The following SCYL2 variants were observed in gnomAD, a reference collection of about 807,000 sequenced individuals.
SCYL2 encodes SCY1-like protein 2.
SCYL2 carries 36 observed loss-of-function variants against 100.4 expected under a neutral mutation model. That is an observed-to-expected ratio of 0.36 (90% confidence interval 0.27 to 0.47). SCYL2 has a LOEUF of 0.47. SCYL2 is among the 20% of genes least tolerant of loss of function. The pLI, the probability that SCYL2 is intolerant of heterozygous loss-of-function variation, is 1.00. For synonymous variants in SCYL2, 330 were observed against 359.2 expected (o/e 0.92, Z 0.92); for missense variants, 902 against 1,083.9 (o/e 0.83, Z 2.36).
In SCYL2 at chr12:100,297,333, GCTGGGAC is replaced by G. The variant is rs559596327; in HGVS notation, c.336-697_336-691del. Among the ~76,000 whole-genome samples the G allele has an allele frequency of 3.7e-3, 557 of 152,298 alleles. 5 individuals are homozygous for G. Among genetic ancestry groups the G allele is most frequent in the South Asian group, 0.026 (123 of 4,816 alleles). ...TGTTACCAAGACAGCACATAGGGAT[GCTGGGAC>G]TTAAAGTCAGGTATCTGTCCTCAAA... On this transcript the variant is annotated intron_variant, in intron 3 of 17. Transcript: ENST00000360820.
At chr12:100,270,374 G>C (rs993061003) in intron 1 of SCYL2, among the ~76,000 whole-genome samples, 1 of 151,988 alleles carries the variant, frequency 6.6e-6, no homozygotes, top group African/African-American at 2.4e-5. Flanking sequence ...GTTATTCCTT[G>C]TCCCTCTTCT....
rs1952347165 is a variant in SCYL2, at chr12:100,341,069, C to CT, written c.*1898dup. The stretch of plus-strand genomic sequence containing the variant: ...AATATAACAGCTTATAGAACTTGAA[C>CT]TACTAAATATGAAAATAAGTCATTT... On this transcript the variant is annotated 3_prime_UTR_variant, in exon 18 of 18. Transcript: ENST00000360820. 1 of 151,952 alleles carries CT rather than the reference C, an allele frequency of 6.6e-6. No homozygotes were observed. The highest frequency in any genetic ancestry group is 2.1e-4 in the South Asian group (1 of 4,826). The allele number at this position is 151,952 out of a possible 1,614,324, so 9.4% of individuals were successfully genotyped here.
At chr12:100,294,712 TC>T (rs2096316275) in intron 3 of SCYL2, among the ~76,000 whole-genome samples, 2 of 106,898 alleles carry the variant, frequency 1.9e-5, no homozygotes, top group African/African-American at 8.7e-5. Flanking sequence ...CCCCCCCACC[TC>T]CCTCCCGGAC....
Position 100,267,545 on chromosome 12 carries a change from GGGCCTGCCGGCGGCC to G in SCYL2, c.-271_-257del, listed in dbSNP as rs1486974345. The G allele has an allele frequency of 1.3e-5, 2 of 152,722 alleles. No individual in the cohort carries two copies. The highest frequency in any genetic ancestry group is 3.9e-4 in the East Asian group (2 of 5,192). 9.5% of individuals were successfully genotyped at this position (152,722 alleles called of 1,614,324 possible). On this transcript the variant is annotated 5_prime_UTR_variant, in exon 1 of 18. Transcript: ENST00000360820. ...AGGCTGGTGGGTGTTGCCTGGTGAC[GGGCCTGCCGGCGGCC>G]GGCCGGGCGATCGGCGGTCGGCGCC...
intron 11 of SCYL2, among the ~76,000 whole-genome samples, chr12:100,326,035 C>T (rs1033712782): frequency 6.6e-6 from 1 of 151,918 alleles, no homozygotes; most frequent in Non-Finnish European, 1.5e-5. Flanking sequence ...GATATTCTAT[C>T]TTAAGAAATT....
rs117902044 is a variant in SCYL2, at chr12:100,333,757, G to A, written c.1762-409G>A. On this transcript the variant is annotated intron_variant, in intron 13 of 17. Coordinates refer to ENST00000360820, the MANE Select transcript of SCYL2 (RefSeq NM_017988.6). The stretch of plus-strand genomic sequence containing the variant: ...ATGTCATTGCAATCTGAATAAGCAG[G>A]AATTTTCTATGCCTATTAAATGGAT... 334 of 154,138 alleles carry A rather than the reference G, an allele frequency of 2.2e-3. 5 individuals carry two copies. In the East Asian group the frequency reaches 0.037, roughly 17 times the overall value. 9.5% of individuals were successfully genotyped at this position (154,138 alleles called of 1,614,324 possible).
chr12:100,279,217 C>T (rs955009970), intron 1 of SCYL2, among the ~76,000 whole-genome samples: 1 of 152,218 alleles, frequency 6.6e-6, no homozygotes, highest in Non-Finnish European at 1.5e-5. Flanking sequence ...GATCATCAGG[C>T]ATTAGTTAGA....
At chr12:100,318,552 G>A (rs535293132) in intron 10 of SCYL2, among the ~76,000 whole-genome samples, 7 of 152,122 alleles carry the variant, frequency 4.6e-5, no homozygotes, top group South Asian at 4.2e-4. Context: ...GGCTGGTCTC[G>A]AACTCCTGAC....
intron 14 of SCYL2, among the ~76,000 whole-genome samples, chr12:100,334,794 G>A (rs1039834300): frequency 3.3e-5 from 5 of 151,996 alleles, no homozygotes; most frequent in African/African-American, 1.2e-4. Flanking sequence ...GATGGAAATC[G>A]TTGACTGTTG....
At chr12:100,323,887 T>G (rs1329822537) in intron 11 of SCYL2, 2 of 244,672 alleles carry the variant, frequency 8.2e-6, no homozygotes, top group Non-Finnish European at 1.6e-5. Flanking sequence ...TGATTATTTT[T>G]TTCTTAATCC....
intron 2 of SCYL2, among the ~76,000 whole-genome samples, chr12:100,289,413 C>T (rs1347755453): frequency 6.6e-6 from 1 of 152,202 alleles, no homozygotes; most frequent in Admixed American, 6.5e-5. Flanking sequence ...TTCTCCACAA[C>T]ATCCTCATTT....
At chr12:100,331,617 T>C (rs1349421502) in intron 13 of SCYL2, among the ~76,000 whole-genome samples, 1 of 152,036 alleles carries the variant, frequency 6.6e-6, no homozygotes, top group African/African-American at 2.4e-5. Flanking sequence ...CTAATTCTGT[T>C]TGAAATGTTG....
At chr12:100,303,448 T>A (rs766307607) in intron 4 of SCYL2, among the ~76,000 whole-genome samples, 25 of 150,778 alleles carry the variant, frequency 1.7e-4, no homozygotes, top group Non-Finnish European at 3.1e-4. Flanking sequence ...GATGTCCTTT[T>A]TGTTGATGTT....
intron 1 of SCYL2, among the ~76,000 whole-genome samples, chr12:100,275,167 A>G (rs2135800156): frequency 6.6e-6 from 1 of 151,750 alleles, no homozygotes; most frequent in African/African-American, 2.4e-5. Context: ...TAAATTTTAA[A>G]TTTTCTAGTA....
intron 4 of SCYL2, among the ~76,000 whole-genome samples, chr12:100,306,226 C>T (rs1451115578): frequency 2.0e-5 from 3 of 152,168 alleles, no homozygotes; most frequent in Admixed American, 6.5e-5. Flanking sequence ...GCCAATATCC[C>T]TGATGAACAC....
intron 4 of SCYL2, among the ~76,000 whole-genome samples, chr12:100,307,478 T>C (rs2096336063): frequency 6.6e-6 from 1 of 152,144 alleles, no homozygotes; most frequent in South Asian, 2.1e-4. Context: ...CCTTACACCT[T>C]ATACAAAAAT....
intron 12 of SCYL2, among the ~76,000 whole-genome samples, chr12:100,327,756 C>G (rs1315804853): frequency 6.6e-6 from 1 of 152,070 alleles, no homozygotes; most frequent in African/African-American, 2.4e-5. Flanking sequence ...CCTTGTGATC[C>G]ACCTGCCTCG....
rs746319579 is a variant in SCYL2, at chr12:100,339,174, G to A, written c.*2G>A. 3 of 1,609,382 alleles carry A rather than the reference G, an allele frequency of 1.9e-6. No homozygotes were observed. The highest frequency in any genetic ancestry group is 1.1e-5 in the South Asian group (1 of 90,402). On this transcript the variant is annotated 3_prime_UTR_variant, in exon 18 of 18. Transcript: ENST00000360820. ...GATTTAAAAGATCTTTTTGGGTGAGGTGTCTTACTTCTATTTTGAAGGATT... is the reference window on the plus strand; with the variant it reads ...GATTTAAAAGATCTTTTTGGGTGAGATGTCTTACTTCTATTTTGAAGGATT...
intron 16 of SCYL2, among the ~76,000 whole-genome samples, chr12:100,336,439 T>C (rs116599754): frequency 4.6e-5 from 7 of 152,312 alleles, no homozygotes; most frequent in African/African-American, 1.7e-4. Context: ...TTTGACACTT[T>C]CACAGAGTAC....
Sources: gnomAD v4.1 joint callset for allele counts (sites outside exome capture counted in the v4.1 genomes callset) on GRCh38, gnomAD v4.1.1 for gene constraint, MANE v1.5 for transcripts, NCBI Gene and HGNC (gene_info 2026-07-23, HGNC 2026-07-21) for gene names.